Variants in CYTH4 observed in about 807,000 individuals in gnomAD.
The protein encoded by CYTH4 is cytohesin 4, also known as cytohesin-4.
In CYTH4, 22 loss-of-function variants were observed where a neutral mutation model predicts 57.5. The observed-to-expected ratio is 0.38, with a 90% CI of 0.27 to 0.55. The LOEUF is 0.55. CYTH4 is among the 20% of genes least tolerant of loss of function. The pLI, the probability that CYTH4 is intolerant of heterozygous loss-of-function variation, is 0.74. For synonymous variants in CYTH4, 186 were observed against 206.5 expected (o/e 0.90, Z 0.85); for missense variants, 420 against 535.6 (o/e 0.78, Z 2.13).
intron 1 of CYTH4, among the ~76,000 whole-genome samples, chr22:37,287,036 G>A (rs1928585502): frequency 6.6e-6 from 1 of 152,084 alleles, no homozygotes; most frequent in Non-Finnish European, 1.5e-5. Context: ...TGCCTCCTGG[G>A]GAAATGTGGA....
At position 37,312,192 on chromosome 22, in the gene CYTH4, C is replaced by T; in HGVS notation, c.1112+18C>T. ...TCCATCCGGTAAGGGGTGCCCAGGTCTGGGGACGGCTTCCCGTCACCTTCC... is the reference window on the plus strand; with the variant it reads ...TCCATCCGGTAAGGGGTGCCCAGGTTTGGGGACGGCTTCCCGTCACCTTCC... On this transcript the variant is annotated intron_variant, in intron 12 of 12. Coordinates refer to ENST00000248901, the MANE Select transcript of CYTH4 (RefSeq NM_013385.5). The T allele has an allele frequency of 6.2e-7, 1 of 1,607,596 alleles. No individual in the cohort carries two copies. The highest frequency in any genetic ancestry group is 8.5e-7 in the Non-Finnish European group (1 of 1,174,526).
At chr22:37,294,205 G>A (rs1928858207) in intron 2 of CYTH4, among the ~76,000 whole-genome samples, 1 of 127,866 alleles carries the variant, frequency 7.8e-6, no homozygotes, top group African/African-American at 3.0e-5. Context: ...GCAGGGTGGA[G>A]GCGGGCGGGG....
At chr22:37,297,753 C>A in intron 5 of CYTH4, 71 bp downstream of exon 5, 2 of 1,305,992 alleles carry the variant, frequency 1.5e-6, no homozygotes, top group Non-Finnish European at 2.2e-6. Flanking sequence ...TGTGGATGTG[C>A]AGGTGAGAGG....
At chr22:37,283,180 G>A (rs542243217) in intron 1 of CYTH4, among the ~76,000 whole-genome samples, 16 of 118,360 alleles carry the variant, frequency 1.4e-4, no homozygotes, top group African/African-American at 3.7e-4. Flanking sequence ...GGCTGAGGAC[G>A]CTGCCTAGAG....
At position 37,282,595 on chromosome 22, in the gene CYTH4, A is replaced by G; in HGVS notation, c.19+7A>G. The G allele has an allele frequency of 6.2e-7, 1 of 1,610,306 alleles. No individual in the cohort carries two copies. The highest frequency in any genetic ancestry group is 8.5e-7 in the Non-Finnish European group (1 of 1,178,182). On this transcript the variant is annotated splice_region_variant and intron_variant, in intron 1 of 12. Transcript: ENST00000248901. ...ATGGACCTGTGCCACCCAGGTAAGC[A>G]ACTGCCGTCAACCTCTCTGGGCCTC... is the stretch of plus-strand genomic sequence containing the variant.
chr22:37,284,976 T>TC (rs1928497929), intron 1 of CYTH4, among the ~76,000 whole-genome samples: 2 of 150,772 alleles, frequency 1.3e-5, no homozygotes, highest in Admixed American at 6.6e-5. Context: ...GAAGCCGCAC[T>TC]CCGCAGAGCC....
intron 8 of CYTH4, among the ~76,000 whole-genome samples, chr22:37,307,967 G>A (rs1929461994): frequency 6.6e-6 from 1 of 152,178 alleles, no homozygotes; most frequent in African/African-American, 2.4e-5. Flanking sequence ...TATCCTACAG[G>A]GCTGCTCTCC....
chr22:37,295,924 G>A lies in CYTH4; in HGVS notation c.168-75G>A. 2.0e-6 allele frequency: 3 copies of A among 1,505,662 alleles called. No homozygotes were observed. The highest frequency in any genetic ancestry group is 2.7e-6 in the Non-Finnish European group (3 of 1,100,464). The allele number at this position is 1,505,662 out of a possible 1,614,324, so 93.3% of individuals were successfully genotyped here. A position where few individuals can be genotyped will look rare whatever the true frequency, so the allele number is the denominator to read the frequency against. On this transcript the variant is annotated intron_variant, in intron 3 of 12. Transcript: ENST00000248901. This position sits in a 1 kb window ranked among gnomAD's most constrained non-coding sequence, Gnocchi z 4.1. ...TAGAGGGGTATGGGCTCCTGCTGAG[G>A]CAAGGGTCCTTGGGGAGTGGAGAGG...
chr22:37,306,553 T>C (rs76370202), intron 8 of CYTH4, among the ~76,000 whole-genome samples: 8 of 152,296 alleles, frequency 5.3e-5, no homozygotes, highest in East Asian at 1.9e-4. Flanking sequence ...AAGCCAAGAT[T>C]TGGGGATGGA....
chr22:37,313,302 G>A (rs1308074488), intron 12 of CYTH4, 137 bp from the exon 13 acceptor site: 1 of 796,362 alleles, frequency 1.3e-6, no homozygotes, highest in African/African-American at 1.7e-5. Flanking sequence ...CCTTTGTTGG[G>A]GCCATCTGGC....
chr22:37,283,910 C>T (rs1928458750), intron 1 of CYTH4, among the ~76,000 whole-genome samples: 1 of 152,036 alleles, frequency 6.6e-6, no homozygotes, highest in Admixed American at 6.5e-5. Flanking sequence ...CGAGATGCAA[C>T]CCCCCTGCCT....
intron 1 of CYTH4, among the ~76,000 whole-genome samples, chr22:37,290,723 T>C (rs1928719359): frequency 6.6e-6 from 1 of 152,202 alleles, no homozygotes; most frequent in Admixed American, 6.5e-5. Flanking sequence ...TTATCCAGGA[T>C]GGTCTCGATC....
chr22:37,290,497 T>A (rs1284510359), intron 1 of CYTH4, among the ~76,000 whole-genome samples: 1 of 151,908 alleles, frequency 6.6e-6, no homozygotes, highest in Non-Finnish European at 1.5e-5. Flanking sequence ...TTGGGTTTTT[T>A]TGTTTGTTTT....
chr22:37,294,693 C>T lies in CYTH4; in HGVS notation c.136C>T (p.Gln46Ter). The change falls in exon 3 of 13, where the codon CAA (glutamine) becomes TAA (stop). Residue 46 changes from glutamine to a stop codon, truncating the protein, a stop_gained. Transcript: ENST00000248901. LOFTEE classifies it high-confidence loss of function. The stretch of plus-strand genomic sequence containing the variant: ...GGATGAGATTGCAGATGTGTTTGCC[C>T]AAATCGACTGCTTCGAGAGTGCGGA... ...LKDEIADVFAQIDCFESAEES... is the reference protein window; with the variant it reads ...LKDEIADVFA 6.2e-7 allele frequency: 1 copy of T among 1,613,788 alleles called. No homozygotes were observed. Among genetic ancestry groups the T allele is most frequent in the Non-Finnish European group, 8.5e-7 (1 of 1,179,822 alleles).
chr22:37,308,780 G>GTGTATGTGTGTGAACA (rs1929517322), intron 8 of CYTH4, among the ~76,000 whole-genome samples: 2 of 152,020 alleles, frequency 1.3e-5, no homozygotes, highest in African/African-American at 4.8e-5. Flanking sequence ...GCCTGCATGT[G>GTGTATGTGTGTGAACA]TGTATGTGTG....
intron 1 of CYTH4, among the ~76,000 whole-genome samples, chr22:37,283,195 G>A (rs1413598119): frequency 2.0e-5 from 3 of 151,550 alleles, no homozygotes; most frequent in South Asian, 2.1e-4. Flanking sequence ...CTAGAGCCAG[G>A]GGAGGGCCAG....
chr22:37,302,836 T>TGAA (rs1929230765), intron 7 of CYTH4, among the ~76,000 whole-genome samples: 2 of 152,156 alleles, frequency 1.3e-5, no homozygotes, highest in Non-Finnish European at 2.9e-5. Flanking sequence ...CAGCAGTGGC[T>TGAA]CAGCCCTGAA....
At position 37,286,115 on chromosome 22, in the gene CYTH4, G is replaced by T. The variant is rs532657780; in HGVS notation, c.19+3527G>T. Among the ~76,000 whole-genome samples, 816 of 152,142 alleles carry T rather than the reference G, an allele frequency of 5.4e-3. 8 individuals carry two copies. Among genetic ancestry groups the T allele is most frequent in the African/African-American group, 0.019 (788 of 41,498 alleles). On this transcript the variant is annotated intron_variant, in intron 1 of 12. Coordinates refer to ENST00000248901, the MANE Select transcript of CYTH4 (RefSeq NM_013385.5). The stretch of plus-strand genomic sequence containing the variant: ...TTGGCTTTGCAGGGGTTGGGTGGGG[G>T]CAACTGCAGGCATCATTCTGCATCT...
At chr22:37,308,477 T>C (rs1432279380) in intron 8 of CYTH4, among the ~76,000 whole-genome samples, 1 of 152,188 alleles carries the variant, frequency 6.6e-6, no homozygotes, top group Non-Finnish European at 1.5e-5. Context: ...TGTGTGTATG[T>C]GTGTACGTGT....
Sources: allele counts gnomAD v4.1 joint callset (sites outside exome capture counted in the v4.1 genomes callset), GRCh38; gene constraint gnomAD v4.1.1; non-coding constraint Gnocchi (gnomAD v3.1); transcripts MANE v1.5; gene names NCBI Gene and HGNC (gene_info 2026-07-23, HGNC 2026-07-21).